CCSER2: variants seen among roughly 807,000 people sequenced by gnomAD.
CCSER2 encodes the protein coiled-coil serine rich protein 2.
CCSER2 carries 46 observed loss-of-function variants against 92.3 expected under a neutral mutation model. The ratio of observed to expected loss-of-function variants is 0.50; its 90% CI spans 0.39 to 0.64. CCSER2 has a LOEUF of 0.64. CCSER2 is among the 30% of genes least tolerant of loss of function. CCSER2 has a pLI of 0.00. For synonymous variants in CCSER2, 433 were observed against 431.4 expected (o/e 1.00, Z -0.04); for missense variants, 1,244 against 1,238.9 (o/e 1.00, Z -0.06).
chr10:84,428,994 T>TATATATATATAC (rs1009142388), intron 5 of CCSER2, among the ~76,000 whole-genome samples: 1 of 92,926 alleles, frequency 1.1e-5, no homozygotes, highest in Non-Finnish European at 2.4e-5. Flanking sequence ...TGTATATATA[T>TATATATATATAC]ATATATATAT....
intron 5 of CCSER2, among the ~76,000 whole-genome samples, chr10:84,428,241 T>C (rs937492876): frequency 1.8e-4 from 27 of 152,116 alleles, no homozygotes; most frequent in African/African-American, 6.3e-4. Flanking sequence ...TGGGGGATGG[T>C]TTTGGGATTG....
At chr10:84,373,503 G>A in intron 2 of CCSER2, 116 bp from the exon 3 acceptor site, 4 of 721,176 alleles carry the variant, frequency 5.5e-6, no homozygotes, top group South Asian at 2.0e-5. Context: ...ACAGTTATGA[G>A]TGCTTTTTTT....
intron 6 of CCSER2, among the ~76,000 whole-genome samples, chr10:84,461,716 C>G (rs1846114660): frequency 6.9e-6 from 1 of 144,530 alleles, no homozygotes. Flanking sequence ...AGAGTTTATT[C>G]TTTTGGAGAA....
rs928504724 is a variant in CCSER2, at chr10:84,476,634, G to A, written c.2236-941G>A. ...AATTTTTTGTATTTTTAGTAGAGATGAGGTTTCACTGTGTTAGCCAGGATG... is the reference window on the plus strand; with the variant it reads ...AATTTTTTGTATTTTTAGTAGAGATAAGGTTTCACTGTGTTAGCCAGGATG... On this transcript the variant is annotated intron_variant, in intron 8 of 9. Transcript: ENST00000372088. Among the ~76,000 whole-genome samples, 10 of 151,770 alleles carry A rather than the reference G, an allele frequency of 6.6e-5. 1 individual carries two copies. The South Asian group carries it at 1.7e-3, about 25-fold the overall frequency.
At chr10:84,378,884 C>CT (rs1261536500) in intron 3 of CCSER2, among the ~76,000 whole-genome samples, 3 of 152,214 alleles carry the variant, frequency 2.0e-5, no homozygotes, top group Admixed American at 6.5e-5. Flanking sequence ...TGCTAATAGT[C>CT]TATGTTTTTG....
In CCSER2 at chr10:84,372,331, A is replaced by G; in HGVS notation, c.1279A>G (p.Thr427Ala). The change falls in exon 2 of 10, where the codon ACT becomes GCT. Residue 427 changes from threonine to alanine, a missense_variant. Transcript: ENST00000372088. ...TATAGATATAGAAGACTCCAACAGA[A>G]CTAGAATAACTCCAGAGGAAATGTC... ...DFIDIEDSNR[T>A]RITPEEMSLK... 1 of 1,612,290 alleles carries G rather than the reference A, an allele frequency of 6.2e-7. No homozygotes were observed. Among genetic ancestry groups the G allele is most frequent in the Non-Finnish European group, 8.5e-7 (1 of 1,178,730 alleles).
At chr10:84,403,032 G>T (rs1019803234) in intron 3 of CCSER2, among the ~76,000 whole-genome samples, 1 of 152,112 alleles carries the variant, frequency 6.6e-6, no homozygotes, top group African/African-American at 2.4e-5. Flanking sequence ...GAATAAAGTG[G>T]CAAGAATTAC....
intron 6 of CCSER2, among the ~76,000 whole-genome samples, chr10:84,457,647 A>G (rs1371350908): frequency 1.0e-5 from 1 of 95,876 alleles, no homozygotes; most frequent in Non-Finnish European, 2.0e-5. Context: ...ATAATTATAT[A>G]TAATTATATT....
Position 84,516,407 on chromosome 10 carries a change from A to T in CCSER2, c.*2140A>T, listed in dbSNP as rs529757173. The T allele has an allele frequency of 2.0e-5, 3 of 152,324 alleles. No homozygotes were observed. In the South Asian group the frequency reaches 6.2e-4, roughly 32 times the overall value. 9.4% of individuals were successfully genotyped at this position (152,324 alleles called of 1,614,324 possible). Reference sequence around the variant, plus strand: ...CACTTTGTTATGGAGATGACCCATGATGGCTGCAGTTGTAAGTGGGCATAC... The same window carrying T: ...CACTTTGTTATGGAGATGACCCATGTTGGCTGCAGTTGTAAGTGGGCATAC... On this transcript the variant is annotated 3_prime_UTR_variant, in exon 10 of 10. Transcript: ENST00000372088.
chr10:84,458,741 A>G (rs1335646769), intron 6 of CCSER2, among the ~76,000 whole-genome samples: 1 of 152,104 alleles, frequency 6.6e-6, no homozygotes, highest in African/African-American at 2.4e-5. Flanking sequence ...ACATATACAC[A>G]TATATACATA....
At position 84,371,095 on chromosome 10, in the gene CCSER2, T is replaced by C; in HGVS notation, c.43T>C (p.Leu15=). The part of the protein sequence containing the change: ...TQIKTFLGSK[L]PKYGTKSVRS... Reference sequence around the variant, plus strand: ...AATCAAGACATTTTTGGGTTCCAAGTTGCCAAAGTATGGAACAAAATCTGT... The same window carrying C: ...AATCAAGACATTTTTGGGTTCCAAGCTGCCAAAGTATGGAACAAAATCTGT... Residue 15 remains leucine (L), a synonymous_variant, in exon 2 of 10, where the codon TTG becomes CTG. Transcript: ENST00000372088. The C allele has an allele frequency of 6.2e-7, 1 of 1,602,676 alleles. No individual in the cohort carries two copies. Among genetic ancestry groups the C allele is most frequent in the East Asian group, 2.2e-5 (1 of 44,752 alleles).
chr10:84,394,567 A>T (rs952285402), intron 3 of CCSER2, among the ~76,000 whole-genome samples: 3 of 152,110 alleles, frequency 2.0e-5, no homozygotes, highest in African/African-American at 7.2e-5. Flanking sequence ...TGAGTATATC[A>T]CAAAATCATG....
rs113344816 is a variant in CCSER2 at position 84,426,112 on chromosome 10, A to G, written c.1868+219A>G. On this transcript the variant is annotated intron_variant, in intron 5 of 9. Transcript: ENST00000372088. The stretch of plus-strand genomic sequence containing the variant: ...CATTAGTTTTATCTTAAATATAAAT[A>G]CTCTATTTATATCTGCTTTTTGGAC... Among the ~76,000 whole-genome samples the G allele has an allele frequency of 6.3e-3, 953 of 151,876 alleles. 5 individuals are homozygous for G. Among genetic ancestry groups the G allele is most frequent in the African/African-American group, 0.022 (908 of 41,224 alleles).
intron 1 of CCSER2, among the ~76,000 whole-genome samples, chr10:84,341,124 T>A (rs1413183367): frequency 6.8e-6 from 1 of 147,718 alleles, no homozygotes; most frequent in Non-Finnish European, 1.5e-5. Flanking sequence ...CACTGTAGCC[T>A]TAACCTCCTG....
At chr10:84,379,363 G>A (rs1284259589) in intron 3 of CCSER2, among the ~76,000 whole-genome samples, 1 of 151,978 alleles carries the variant, frequency 6.6e-6, no homozygotes, top group Non-Finnish European at 1.5e-5. Context: ...GGGCTTTGCT[G>A]ATTTTTCTAT....
chr10:84,500,456 C>T (rs552111346), intron 9 of CCSER2, among the ~76,000 whole-genome samples: 1 of 152,114 alleles, frequency 6.6e-6, no homozygotes, highest in South Asian at 2.1e-4. Flanking sequence ...AAAGATATTT[C>T]TAATTGTTTT....
intron 1 of CCSER2, among the ~76,000 whole-genome samples, chr10:84,362,370 T>A (rs781024827): frequency 6.6e-5 from 10 of 152,234 alleles, no homozygotes; most frequent in Non-Finnish European, 1.2e-4. Context: ...GTGTCATCTT[T>A]TCCTAGCCCT....
intron 3 of CCSER2, among the ~76,000 whole-genome samples, chr10:84,416,914 G>A (rs1350231571): frequency 6.6e-6 from 1 of 152,170 alleles, no homozygotes; most frequent in Non-Finnish European, 1.5e-5. Context: ...CTGGGTGACA[G>A]CGAGACTCCG....
intron 1 of CCSER2, among the ~76,000 whole-genome samples, chr10:84,345,247 A>G (rs574000459): frequency 6.6e-6 from 1 of 152,338 alleles, no homozygotes; most frequent in South Asian, 2.1e-4. Context: ...ATTGCAAATT[A>G]TCACGTGCAT....
Sources: gnomAD v4.1 joint callset for allele counts (sites outside exome capture counted in the v4.1 genomes callset) on GRCh38, gnomAD v4.1.1 for gene constraint, MANE v1.5 for transcripts, NCBI Gene and HGNC (gene_info 2026-07-23, HGNC 2026-07-21) for gene names.